The following ZNF385C variants were observed in gnomAD, a reference collection of about 807,000 sequenced individuals.
ZNF385C encodes zinc finger protein 385C, also known as CTD-2132N18.2.
A neutral mutation model predicts 35.4 loss-of-function variants in ZNF385C; 28 were observed. That is an observed-to-expected ratio of 0.79 (90% confidence interval 0.59 to 1.08). The LOEUF (loss-of-function observed/expected upper bound fraction) is 1.08. Ranked by LOEUF, ZNF385C falls within the 50% of genes least tolerant of loss-of-function variation. The pLI, the probability that ZNF385C is intolerant of heterozygous loss-of-function variation, is 0.00. For synonymous variants in ZNF385C, 248 were observed against 248.2 expected (o/e 1.00, Z 0.01); for missense variants, 605 against 595.6 (o/e 1.02, Z -0.16).
chr17:42,064,118 ACTTT>A (rs1341055271), intron 1 of ZNF385C, among the ~76,000 whole-genome samples: 1 of 135,444 alleles, frequency 7.4e-6, no homozygotes, highest in South Asian at 2.3e-4. Context: ...ACACACACAC[ACTTT>A]CTGTCTCTTC....
chr17:42,078,474 G>A (rs1165401050), intron 1 of ZNF385C, among the ~76,000 whole-genome samples: 2 of 152,054 alleles, frequency 1.3e-5, no homozygotes, highest in African/African-American at 4.8e-5. Flanking sequence ...TGGGGGAGCA[G>A]GGAGGCGGGG....
chr17:42,047,802 C>A (rs2053198596), intron 2 of ZNF385C, among the ~76,000 whole-genome samples: 1 of 151,794 alleles, frequency 6.6e-6, no homozygotes, highest in African/African-American at 2.4e-5. Flanking sequence ...TACAGGCGCG[C>A]ACCACCATGC....
At chr17:42,047,066 C>CT (rs2053178759) in intron 2 of ZNF385C, among the ~76,000 whole-genome samples, 2 of 132,760 alleles carry the variant, frequency 1.5e-5, no homozygotes, top group Non-Finnish European at 3.1e-5. Context: ...CAATTTCACT[C>CT]TGTCACCCAG....
intron 3 of ZNF385C, among the ~76,000 whole-genome samples, chr17:42,036,187 G>T (rs911725976): frequency 6.6e-6 from 1 of 151,874 alleles, no homozygotes; most frequent in Non-Finnish European, 1.5e-5. Context: ...TAGAGATGGG[G>T]TTTCACCATC....
intron 1 of ZNF385C, among the ~76,000 whole-genome samples, chr17:42,063,830 CG>C (rs1210420480): frequency 6.6e-6 from 1 of 152,156 alleles, no homozygotes; most frequent in Non-Finnish European, 1.5e-5. Context: ...ACGCAGCAGC[CG>C]CCAGCCAAAA....
intron 2 of ZNF385C, among the ~76,000 whole-genome samples, chr17:42,046,887 C>T (rs1191652160): frequency 6.8e-6 from 1 of 147,646 alleles, no homozygotes; most frequent in East Asian, 2.0e-4. Context: ...TTAATTGAGA[C>T]AGTTTCACTG....
intron 2 of ZNF385C, among the ~76,000 whole-genome samples, chr17:42,051,309 G>A (rs2053278532): frequency 6.6e-6 from 1 of 152,058 alleles, no homozygotes; most frequent in South Asian, 2.1e-4. Context: ...GGAAGAGGGA[G>A]GGAGGTTGGC....
At chr17:42,088,316 C>T (rs1555660256) in intron 1 of ZNF385C, among the ~76,000 whole-genome samples, 1 of 152,264 alleles carries the variant, frequency 6.6e-6, no homozygotes, top group African/African-American at 2.4e-5. Flanking sequence ...CTTCAACCTT[C>T]TCTCTTCCAG....
intron 2 of ZNF385C, among the ~76,000 whole-genome samples, chr17:42,057,375 G>A (rs536963672): frequency 6.6e-6 from 1 of 152,298 alleles, no homozygotes; most frequent in Admixed American, 6.5e-5. Context: ...ATTGCTCCTT[G>A]CCCAGCTGTC....
chr17:42,071,948 G>GT (rs532637523), intron 1 of ZNF385C, among the ~76,000 whole-genome samples: 3 of 152,228 alleles, frequency 2.0e-5, no homozygotes, highest in Admixed American at 2.0e-4. Context: ...TGAGTTGTGG[G>GT]TGGGGGCAGA....
At chr17:42,027,208 A>G in intron 8 of ZNF385C, 75 bp from the exon 9 acceptor site, 1 of 1,361,244 alleles carries the variant, frequency 7.3e-7, no homozygotes, top group Non-Finnish European at 1.0e-6. Flanking sequence ...CCCATCCTCA[A>G]GCTTTTTGCT....
At chr17:42,066,033 A>G (rs2053542405) in intron 1 of ZNF385C, among the ~76,000 whole-genome samples, 1 of 151,452 alleles carries the variant, frequency 6.6e-6, no homozygotes, top group Non-Finnish European at 1.5e-5. Context: ...GCCCTACAAA[A>G]TCAGCTGTTT....
rs2053484419 is a variant in ZNF385C, at chr17:42,062,864, G to GC, written c.192dup (p.Arg65AlafsTer97). The GC allele has an allele frequency of 7.7e-6, 5 of 649,214 alleles. No homozygotes were observed. Among genetic ancestry groups the GC allele is most frequent in the East Asian group, 2.8e-5 (1 of 35,120 alleles). The allele number at this position is 649,214 out of a possible 1,614,324, so 40.2% of individuals were successfully genotyped here. ...TGCCGAAGCCGCCTCTGGTGGGCCC[G>GC]CCCCCCACAGTGCACCTGGGCCTGG... On this transcript the variant is annotated frameshift_variant, in exon 2 of 9. Coordinates refer to ENST00000692273, the MANE Select transcript of ZNF385C (RefSeq NM_001392013.1). LOFTEE classifies it high-confidence loss of function.
chr17:42,094,896 C>T (rs1345480434), intron 1 of ZNF385C, among the ~76,000 whole-genome samples: 1 of 152,180 alleles, frequency 6.6e-6, no homozygotes, highest in Non-Finnish European at 1.5e-5. Context: ...CAGTGGGTCA[C>T]CCAAGGTGAA....
chr17:42,032,107 C>T (rs1305611456), intron 4 of ZNF385C, among the ~76,000 whole-genome samples: 1 of 152,206 alleles, frequency 6.6e-6, no homozygotes, highest in African/African-American at 2.4e-5. Flanking sequence ...GTCGCCCAGG[C>T]TGGAGTGCAG....
intron 1 of ZNF385C, among the ~76,000 whole-genome samples, chr17:42,082,496 G>A (rs2053759638): frequency 6.6e-6 from 1 of 152,224 alleles, no homozygotes; most frequent in Non-Finnish European, 1.5e-5. Context: ...CTGGTCCCAG[G>A]ATTCCTCTTG....
At chr17:42,084,532 A>G (rs1252736828) in intron 1 of ZNF385C, among the ~76,000 whole-genome samples, 3 of 152,178 alleles carry the variant, frequency 2.0e-5, no homozygotes, top group Non-Finnish European at 4.4e-5. Context: ...TCTTTCAGTT[A>G]CATTTATGAG....
intron 4 of ZNF385C, among the ~76,000 whole-genome samples, chr17:42,032,740 C>A (rs7211882): frequency 0.011 from 1,632 of 150,724 alleles, 32 homozygotes; most frequent in African/African-American, 0.037. Context: ...GAGACGGAAT[C>A]TCGCTTTGTC....
chr17:42,087,174 A>C (rs1555660202), intron 1 of ZNF385C, among the ~76,000 whole-genome samples: 2 of 152,222 alleles, frequency 1.3e-5, no homozygotes, highest in Admixed American at 6.5e-5. Context: ...ATATCCTTGT[A>C]ATAGCCCTAT....
Sources: allele counts gnomAD v4.1 joint callset (sites outside exome capture counted in the v4.1 genomes callset), GRCh38; gene constraint gnomAD v4.1.1; transcripts MANE v1.5; gene names NCBI Gene and HGNC (gene_info 2026-07-23, HGNC 2026-07-21).